STARD9: variants seen among roughly 807,000 people sequenced by gnomAD.
STARD9 encodes the protein stAR-related lipid transfer protein 9.
Under a neutral mutation model 399.8 loss-of-function variants are expected in STARD9, and 346 were observed. The ratio of observed to expected loss-of-function variants is 0.87; its 90% CI spans 0.79 to 0.95. The LOEUF (loss-of-function observed/expected upper bound fraction) is 0.95, where lower values mean the gene tolerates loss of function less well. Among genes scored for constraint, STARD9 ranks in the 40% least tolerant of loss-of-function variants. The pLI is 0.00. For synonymous variants in STARD9, 2,203 were observed against 2,143.5 expected, an observed-to-expected ratio of 1.03 and a Z score of -0.77; for missense variants, 5,832 against 5,667.5, an observed-to-expected ratio of 1.03 and a Z score of -0.93.
At chr15:42,629,986 A>G (rs1240493321) in intron 3 of STARD9, 1 of 150,024 alleles carries the variant, frequency 6.7e-6, no homozygotes, top group Non-Finnish European at 1.5e-5. Context: ...GTCACGATAA[A>G]TGATCTTTTT....
rs1313331808 is a variant in STARD9 at position 42,719,967 on chromosome 15, G to C, written c.*393G>C. The stretch of plus-strand genomic sequence containing the variant: ...GCAAGGTGCTTCCGCAGGCTGGTAG[G>C]GAAGCAGGCAGCCACTGGCCAAGAC... On this transcript the variant is annotated 3_prime_UTR_variant, in exon 33 of 33. Coordinates refer to ENST00000290607, the MANE Select transcript of STARD9 (RefSeq NM_020759.3). The C allele has an allele frequency of 2.3e-5, 4 of 172,422 alleles. No homozygotes were observed. The highest frequency in any genetic ancestry group is 1.8e-4 in the Admixed American group (3 of 16,750). 10.7% of individuals were successfully genotyped at this position (172,422 alleles called of 1,614,324 possible).
Position 42,674,611 on chromosome 15 carries a change from C to T in STARD9, c.1549+120C>T, listed in dbSNP as rs1595748527. On this transcript the variant is annotated intron_variant, in intron 17 of 32. Coordinates refer to ENST00000290607, the MANE Select transcript of STARD9 (RefSeq NM_020759.3). ...GAATCATTGGCGTATTCAGGGCCTG[C>T]TTCTCTTTCTGCTGCTAGGTTTCAG... is the stretch of plus-strand genomic sequence containing the variant. 49 of 1,200,042 alleles carry T rather than the reference C, an allele frequency of 4.1e-5. No individual in the cohort carries two copies. The South Asian group carries it at 6.6e-4, about 16-fold the overall frequency. 74.3% of individuals were successfully genotyped at this position (1,200,042 alleles called of 1,614,324 possible).
At chr15:42,601,378 G>A (rs2058621497) in intron 3 of STARD9, among the ~76,000 whole-genome samples, 1 of 152,070 alleles carries the variant, frequency 6.6e-6, no homozygotes. Context: ...TGAGCTATTG[G>A]GTACACCTCC....
At chr15:42,628,528 C>G (rs2059270195) in intron 3 of STARD9, among the ~76,000 whole-genome samples, 1 of 152,120 alleles carries the variant, frequency 6.6e-6, no homozygotes, top group Non-Finnish European at 1.5e-5. Context: ...GGAGAGTATT[C>G]TCAGTGTTAA....
intron 7 of STARD9, among the ~76,000 whole-genome samples, chr15:42,640,479 C>A (rs1237728006): frequency 2.0e-5 from 3 of 152,144 alleles, no homozygotes; most frequent in Non-Finnish European, 4.4e-5. Context: ...GCAATACTTT[C>A]AAGGCAGACC....
In STARD9 at chr15:42,720,454, T is replaced by C. The variant is rs980489205; in HGVS notation, c.*880T>C. ...TGAATGAACTCCCAGAGGAGGTGAG[T>C]GGCTTGTTGGGAGGAAGCTCAGTTC... On this transcript the variant is annotated 3_prime_UTR_variant, in exon 33 of 33. Transcript: ENST00000290607. 1.3e-5 allele frequency: 2 copies of C among 152,152 alleles called. No homozygotes were observed. The highest frequency in any genetic ancestry group is 4.8e-5 in the African/African-American group (2 of 41,422). 9.4% of individuals were successfully genotyped at this position (152,152 alleles called of 1,614,324 possible).
At chr15:42,699,392 C>CTTTTTCTTTTTTTTTT (rs2060912049) in intron 26 of STARD9, among the ~76,000 whole-genome samples, 42 of 113,294 alleles carry the variant, frequency 3.7e-4, no homozygotes, top group African/African-American at 1.6e-3. Flanking sequence ...TTTTTCTTTT[C>CTTTTTCTTTTTTTTTT]TTTTTTTTTT....
rs548026902 is a variant in STARD9 at position 42,681,427 on chromosome 15, C to A, written c.1880C>A (p.Ala627Glu). 6.5e-7 allele frequency: 1 copy of A among 1,535,098 alleles called. No individual in the cohort carries two copies. Among genetic ancestry groups the A allele is most frequent in the East Asian group, 2.4e-5 (1 of 40,912 alleles). Residue 627 changes from alanine to glutamate, a missense_variant, in exon 21 of 33, where the codon GCG (alanine) becomes GAG (glutamate). This residue lies in a region of STARD9 where 5,828 missense variants were observed against 5,651.1 expected (regional missense o/e 1.03). Transcript: ENST00000290607. Reference sequence around the variant, plus strand: ...CTCAGCCGCTTCTGTGACAGGAGAGCGCTTGAAGAGCAATGTGACGAGGAC... The same window carrying A: ...CTCAGCCGCTTCTGTGACAGGAGAGAGCTTGAAGAGCAATGTGACGAGGAC... ...LSPLLWKERR[A>E]LEEQCDEDHQ...
intron 3 of STARD9, among the ~76,000 whole-genome samples, chr15:42,607,698 G>T (rs2058765484): frequency 7.0e-6 from 1 of 142,224 alleles, no homozygotes; most frequent in Non-Finnish European, 1.5e-5. Flanking sequence ...ATATATATTT[G>T]AATATAATTA....
rs559490264 is a variant in STARD9, at chr15:42,609,589, G to A, written c.234+23952G>A. Among the ~76,000 whole-genome samples the A allele has an allele frequency of 4.3e-4, 66 of 151,882 alleles. No individual in the cohort carries two copies. The South Asian group carries it at 0.013, about 30-fold the overall frequency. On this transcript the variant is annotated intron_variant, in intron 3 of 32. Coordinates refer to ENST00000290607, the MANE Select transcript of STARD9 (RefSeq NM_020759.3). ...TGAGTAGCTGGGACTACAGGCACGC[G>A]CCACCACGCCCAGCTAATTTTTGTG... is the stretch of plus-strand genomic sequence containing the variant.
chr15:42,701,586 T>C (rs546169933), intron 26 of STARD9, among the ~76,000 whole-genome samples: 35 of 152,252 alleles, frequency 2.3e-4, no homozygotes, highest in African/African-American at 8.4e-4. Flanking sequence ...TGTATGTTGA[T>C]TGATAAATAA....
Position 42,619,551 on chromosome 15 carries a change from CA to C in STARD9, c.235-15289del, listed in dbSNP as rs35639156. ...CCTGGGTGACAGCGCAAGACTGTCT[CA>C]AAAAAAAAAAAAAAATTCTCGTAAG... On this transcript the variant is annotated intron_variant, in intron 3 of 32. Transcript: ENST00000290607. Among the ~76,000 whole-genome samples the C allele has an allele frequency of 3.8e-3, 507 of 135,160 alleles. 3 individuals are homozygous for C. Among genetic ancestry groups the C allele is most frequent in the African/African-American group, 0.013 (455 of 34,140 alleles). 88.7% of individuals were successfully genotyped at this position (135,160 alleles called of 152,430 possible).
At chr15:42,594,369 TGAG>T (rs1387545767) in intron 3 of STARD9, among the ~76,000 whole-genome samples, 1 of 152,134 alleles carries the variant, frequency 6.6e-6, no homozygotes, top group Non-Finnish European at 1.5e-5. Flanking sequence ...GTACTGAACA[TGAG>T]GAGTTTTTTT....
Position 42,689,008 on chromosome 15 carries a change from G to A in STARD9, c.7430G>A (p.Ser2477Asn), listed in dbSNP as rs1038158859. Reference protein sequence around the residue: ...EVAVQKEIRVSSLNKVSSQPE... With the variant: ...EVAVQKEIRVNSLNKVSSQPE... ...GCTGTACAAAAAGAAATAAGAGTCA[G>A]TTCACTGAACAAGGTCTCTAGCCAG... is the stretch of plus-strand genomic sequence containing the variant. The change falls in exon 23 of 33, where the codon AGT becomes AAT. Residue 2477 changes from serine (S) to asparagine (N), a missense_variant. This residue lies in a region of STARD9 where 5,828 missense variants were observed against 5,651.1 expected (regional missense o/e 1.03). Transcript: ENST00000290607. 1 of 1,537,212 alleles carries A rather than the reference G, an allele frequency of 6.5e-7. No homozygotes were observed. Among genetic ancestry groups the A allele is most frequent in the Non-Finnish European group, 8.7e-7 (1 of 1,146,934 alleles).
intron 7 of STARD9, among the ~76,000 whole-genome samples, chr15:42,640,634 A>T (rs1317928285): frequency 6.6e-6 from 1 of 152,046 alleles, no homozygotes; most frequent in Non-Finnish European, 1.5e-5. Context: ...ATCCTGGCCA[A>T]CATAGTGAAA....
chr15:42,593,972 CTTG>C (rs968954598), intron 3 of STARD9, among the ~76,000 whole-genome samples: 3 of 152,168 alleles, frequency 2.0e-5, no homozygotes, highest in South Asian at 2.1e-4. Flanking sequence ...GGTTGTGCTT[CTTG>C]TTGTTTTAAT....
chr15:42,590,757 CGAGA>C lies in STARD9; in HGVS notation c.234+5130_234+5133del, dbSNP rs61291485. 2.6e-5 allele frequency among the ~76,000 whole-genome samples: 4 copies of C among 151,662 alleles called. No homozygotes were observed. The South Asian group carries it at 6.3e-4, about 24-fold the overall frequency. Reference sequence around the variant, plus strand: ...GGGGAAGGAGACAGTCTTGTCACAGCGAGAGAGAGAGAGCGAGAGATGGGAGGGA... The same window carrying C: ...GGGGAAGGAGACAGTCTTGTCACAGCGAGAGAGAGCGAGAGATGGGAGGGA... On this transcript the variant is annotated intron_variant, in intron 3 of 32. Coordinates refer to ENST00000290607, the MANE Select transcript of STARD9 (RefSeq NM_020759.3).
Position 42,663,027 on chromosome 15 carries a change from T to G in STARD9, c.868+136T>G, listed in dbSNP as rs917380791. ...TGGTTTGGGGCATGAAAAGTTGATA[T>G]TTGTCCTTGGTTTTAGAGTAGAATG... is the stretch of plus-strand genomic sequence containing the variant. On this transcript the variant is annotated intron_variant, in intron 11 of 32. Transcript: ENST00000290607. 13 of 758,048 alleles carry G rather than the reference T, an allele frequency of 1.7e-5. No homozygotes were observed. In the African/African-American group the frequency reaches 1.8e-4, roughly 10 times the overall value. The allele number at this position is 758,048 out of a possible 1,614,324, so 47.0% of individuals were successfully genotyped here.
intron 20 of STARD9, 93 bp from the exon 21 acceptor site, chr15:42,681,329 A>C (rs560802447): frequency 2.3e-6 from 3 of 1,288,574 alleles, no homozygotes; most frequent in African/African-American, 3.0e-5. Context: ...TGTTGATTGC[A>C]GGGGCTCTCT....
Sources: allele counts gnomAD v4.1 joint callset (sites outside exome capture counted in the v4.1 genomes callset), GRCh38; gene constraint gnomAD v4.1.1; regional missense constraint gnomAD v4.1.1; transcripts MANE v1.5; gene names NCBI Gene and HGNC (gene_info 2026-07-23, HGNC 2026-07-21).